Variants in TPRG1 observed in about 807,000 individuals in gnomAD.
The protein encoded by TPRG1 is tumor protein p63 regulated 1.
Under a neutral mutation model 29.3 loss-of-function variants are expected in TPRG1, and 29 were observed. The observed-to-expected ratio is 0.99, with a 90% CI of 0.74 to 1.35. TPRG1 has a LOEUF of 1.35. TPRG1 is among the 40% of genes most tolerant of loss of function. TPRG1 has a pLI of 0.00. For synonymous variants in TPRG1, 130 were observed against 116.8 expected (o/e 1.11, Z -0.73); for missense variants, 327 against 335.0 (o/e 0.98, Z 0.19).
At chr3:189,250,669 A>G (rs1251953229) in intron 4 of TPRG1, among the ~76,000 whole-genome samples, 1 of 151,538 alleles carries the variant, frequency 6.6e-6, no homozygotes, top group Non-Finnish European at 1.5e-5. Context: ...GTAGGAGGCA[A>G]GGAAAAATCA....
intron 3 of TPRG1, among the ~76,000 whole-genome samples, chr3:189,020,515 T>C (rs571085221): frequency 9.9e-5 from 15 of 151,886 alleles, no homozygotes; most frequent in African/African-American, 3.6e-4. Flanking sequence ...GAGCAGGTTG[T>C]TCAGTTTCCA....
chr3:189,003,214 A>G (rs1436003878), intron 2 of TPRG1, among the ~76,000 whole-genome samples: 1 of 152,068 alleles, frequency 6.6e-6, no homozygotes, highest in Non-Finnish European at 1.5e-5. Flanking sequence ...TCGCACAGAG[A>G]GGGAGAGAAT....
rs564419852 is a variant in TPRG1 at position 189,134,885 on chromosome 3, G to C, written c.-291+2188G>C. 2.0e-4 allele frequency among the ~76,000 whole-genome samples: 31 copies of C among 152,270 alleles called. No homozygotes were observed. The South Asian group carries it at 6.4e-3, about 32-fold the overall frequency. ...CCACTCTACCAGGCTGTACTGATCA[G>C]TAAAGTACATGACAAGGAATGTACG... On this transcript the variant is annotated intron_variant, in intron 3 of 6. Coordinates refer to the TPRG1 transcript ENST00000412373.
At chr3:189,047,576 T>C (rs1306918808) in intron 4 of TPRG1, among the ~76,000 whole-genome samples, 2 of 152,244 alleles carry the variant, frequency 1.3e-5, no homozygotes, top group African/African-American at 4.8e-5. Flanking sequence ...CTTCTTTTCA[T>C]GAAAGATTTC....
chr3:189,177,656 G>T (rs928012126), intron 1 of TPRG1, among the ~76,000 whole-genome samples: 1 of 151,980 alleles, frequency 6.6e-6, no homozygotes, highest in African/African-American at 2.4e-5. Flanking sequence ...GTTTAGAGAG[G>T]TGCAGTGAAC....
intron 4 of TPRG1, among the ~76,000 whole-genome samples, chr3:189,065,116 G>A (rs547929400): frequency 6.6e-6 from 1 of 152,246 alleles, no homozygotes; most frequent in East Asian, 1.9e-4. Context: ...ACTCAAGGCT[G>A]CAGTGAGCTA....
chr3:189,298,799 AG>A (rs1378630174), intron 4 of TPRG1, among the ~76,000 whole-genome samples: 1 of 152,202 alleles, frequency 6.6e-6, no homozygotes, highest in African/African-American at 2.4e-5. Flanking sequence ...AAATGTCATG[AG>A]CTGAAAGAGA....
chr3:189,260,633 G>A (rs760329996), intron 4 of TPRG1, among the ~76,000 whole-genome samples: 1 of 152,166 alleles, frequency 6.6e-6, no homozygotes, highest in African/African-American at 2.4e-5. Flanking sequence ...TGCAAGAGAA[G>A]GCATCGCACA....
At chr3:189,016,411 G>A (rs78707940) in intron 3 of TPRG1, among the ~76,000 whole-genome samples, 4,263 of 152,102 alleles carry the variant, frequency 0.028, 87 homozygotes, top group East Asian at 0.098. Flanking sequence ...AAACAGAAGG[G>A]ACATACTTTG....
chr3:189,301,831 C>T (rs997958038), intron 4 of TPRG1, among the ~76,000 whole-genome samples: 1 of 152,190 alleles, frequency 6.6e-6, no homozygotes, highest in Admixed American at 6.5e-5. Context: ...AATTAAACCA[C>T]ACCCTACTGA....
chr3:189,121,866 G>T (rs1327950438), intron 1 of TPRG1: 1 of 152,142 alleles, frequency 6.6e-6, no homozygotes, highest in African/African-American at 2.4e-5. Flanking sequence ...GTAAAGGTAT[G>T]ATTTTAAATT....
intron 3 of TPRG1, among the ~76,000 whole-genome samples, chr3:189,235,238 A>G (rs569590044): frequency 4.4e-4 from 48 of 108,966 alleles, no homozygotes; most frequent in African/African-American, 1.6e-3. Flanking sequence ...TTTTTTTCCA[A>G]AGGATCCCCT....
At chr3:189,161,728 C>T (rs1727512766) in intron 5 of TPRG1, among the ~76,000 whole-genome samples, 1 of 152,146 alleles carries the variant, frequency 6.6e-6, no homozygotes, top group Admixed American at 6.5e-5. Context: ...TGTGACAGCT[C>T]TTGCTGTCAA....
intron 4 of TPRG1, among the ~76,000 whole-genome samples, chr3:189,286,286 G>A (rs1718045336): frequency 6.6e-6 from 1 of 151,830 alleles, no homozygotes; most frequent in African/African-American, 2.4e-5. Context: ...TAGTCTTGTT[G>A]CTTTACTCTG....
At chr3:189,064,002 G>GT (rs1716278726) in intron 4 of TPRG1, among the ~76,000 whole-genome samples, 1 of 152,128 alleles carries the variant, frequency 6.6e-6, no homozygotes, top group South Asian at 2.1e-4. Flanking sequence ...TATTCTTCTA[G>GT]TGGAGTCACT....
intron 4 of TPRG1, among the ~76,000 whole-genome samples, chr3:189,276,969 T>C (rs904423678): frequency 1.9e-4 from 29 of 152,198 alleles, no homozygotes; most frequent in Non-Finnish European, 3.2e-4. Context: ...GGATGAATCA[T>C]AGTAGCCTCC....
rs760903386 is a variant in TPRG1, at chr3:189,320,657, C to G, written c.665C>G (p.Ala222Gly). 4.3e-6 allele frequency: 7 copies of G among 1,611,276 alleles called. No homozygotes were observed. Among genetic ancestry groups the G allele is most frequent in the South Asian group, 3.3e-5 (3 of 90,602 alleles). Residue 222 changes from alanine (A) to glycine (G), a missense_variant, in exon 6 of 6, where the codon GCT (alanine) becomes GGT (glycine). By Grantham distance (60) the Ala-to-Gly change is moderately conservative (BLOSUM62 0). Transcript: ENST00000345063. ...GGGTTCATGTCTAAGCTTGTTCCAG[C>G]TATCCAGAATGCCCACAAGAATTCA... ...LSGFMSKLVP[A>G]IQNAHKNSTG... is the part of the protein sequence containing the mutation.
At chr3:189,258,577 T>A (rs1427763206) in intron 4 of TPRG1, among the ~76,000 whole-genome samples, 1 of 152,148 alleles carries the variant, frequency 6.6e-6, no homozygotes, top group Non-Finnish European at 1.5e-5. Flanking sequence ...GGCAGGAATG[T>A]TCAAGTCTGC....
At chr3:189,080,494 A>G (rs934629752) in intron 4 of TPRG1, among the ~76,000 whole-genome samples, 6 of 152,156 alleles carry the variant, frequency 3.9e-5, no homozygotes, top group African/African-American at 1.4e-4. Flanking sequence ...TCCTGGAGCC[A>G]AACCTACCCA....
Sources: gnomAD v4.1 joint callset for allele counts (sites outside exome capture counted in the v4.1 genomes callset) on GRCh38, gnomAD v4.1.1 for gene constraint, MANE v1.5 for transcripts, NCBI Gene and HGNC (gene_info 2026-07-23, HGNC 2026-07-21) for gene names.